MRAS: variants seen among roughly 807,000 people sequenced by gnomAD.
The protein encoded by MRAS is ras-related protein M-Ras.
A neutral mutation model predicts 20.9 loss-of-function variants in MRAS; 4 were observed. That is an observed-to-expected ratio of 0.19 (90% CI 0.09 to 0.44). MRAS has a LOEUF of 0.44. Among genes scored for constraint, MRAS ranks in the 20% least tolerant of loss-of-function variants. MRAS has a pLI of 0.99. For synonymous variants in MRAS, 98 were observed against 102.9 expected (o/e 0.95, Z 0.29); for missense variants, 154 against 277.5 (o/e 0.56, Z 3.16).
chr3:138,361,303 TGTG>T (rs2054442483), intron 1 of MRAS, among the ~76,000 whole-genome samples: 2 of 152,066 alleles, frequency 1.3e-5, no homozygotes, highest in South Asian at 4.2e-4. Context: ...CCTAGAATGT[TGTG>T]GTCAGCGGGG....
intron 2 of MRAS, among the ~76,000 whole-genome samples, chr3:138,381,167 C>T (rs1309974496): frequency 6.6e-6 from 1 of 152,200 alleles, no homozygotes; most frequent in Admixed American, 6.5e-5. Context: ...GGGTGGTTTC[C>T]ACCTTTTTGC....
Position 138,398,563 on chromosome 3 carries a change from C to T in MRAS, c.442C>T (p.His148Tyr), listed in dbSNP as rs762578234. ...REQGKEMATK[H>Y]NIPYIETSAK... Reference sequence around the variant, plus strand: ...GCAAGGAAAAGAAATGGCGACCAAACACAATGTAGGTGTGTGCGTGTGTGT... The same window carrying T: ...GCAAGGAAAAGAAATGGCGACCAAATACAATGTAGGTGTGTGCGTGTGTGT... Residue 148 changes from histidine (H) to tyrosine (Y), a missense_variant, in exon 4 of 6, where the codon CAC becomes TAC. His to Tyr is a moderately conservative substitution (Grantham distance 83). Coordinates refer to ENST00000423968, the MANE Select transcript of MRAS (RefSeq NM_001085049.3). 6 of 1,614,028 alleles carry T rather than the reference C, an allele frequency of 3.7e-6. No individual in the cohort carries two copies. Among genetic ancestry groups the T allele is most frequent in the Non-Finnish European group, 5.1e-6 (6 of 1,179,920 alleles).
At chr3:138,397,559 T>TTCTCTC in intron 3 of MRAS, 82 bp downstream of exon 3, 1 of 1,489,598 alleles carries the variant, frequency 6.7e-7, no homozygotes, top group South Asian at 1.3e-5. Flanking sequence ...CTCTTTCTCT[T>TTCTCTC]TCTCTCTCTC....
intron 2 of MRAS, among the ~76,000 whole-genome samples, chr3:138,383,857 G>T (rs1270321808): frequency 6.6e-6 from 1 of 152,218 alleles, no homozygotes; most frequent in African/African-American, 2.4e-5. Context: ...TAAGTGCTGT[G>T]ATGAAGGTCA....
intron 2 of MRAS, among the ~76,000 whole-genome samples, chr3:138,385,358 A>T (rs2054989870): frequency 6.7e-6 from 1 of 150,326 alleles, no homozygotes; most frequent in Non-Finnish European, 1.5e-5. Context: ...TGTTGCCCAG[A>T]CTGGTCTCAA....
intron 1 of MRAS, among the ~76,000 whole-genome samples, chr3:138,372,284 A>C (rs189932426): frequency 4.3e-4 from 65 of 152,294 alleles, no homozygotes; most frequent in African/African-American, 1.3e-3. Context: ...CTCCCCAAAT[A>C]AAATGATTCC....
At position 138,397,378 on chromosome 3, in the gene MRAS, G is replaced by A; in HGVS notation, c.248G>A (p.Arg83His). 6.2e-7 allele frequency: 1 copy of A among 1,614,114 alleles called. No individual in the cohort carries two copies. The highest frequency in any genetic ancestry group is 1.1e-5 in the South Asian group (1 of 91,080). ...EFSAMREQYMRTGDGFLIVYS... is the reference protein window; with the variant it reads ...EFSAMREQYMHTGDGFLIVYS... ...AGCGCCATGCGGGAGCAATACATGC[G>A]CACGGGGGATGGCTTCCTCATCGTC... Residue 83 changes from arginine (R) to histidine (H), a missense_variant, in exon 3 of 6, where the codon CGC (arginine) becomes CAC (histidine). Physicochemically the swap from Arg to His is conservative, Grantham distance 29 (BLOSUM62 0). Transcript: ENST00000423968.
intron 2 of MRAS, among the ~76,000 whole-genome samples, chr3:138,393,489 T>C (rs2108554505): frequency 6.6e-6 from 1 of 152,342 alleles, no homozygotes; most frequent in Non-Finnish European, 1.5e-5. Flanking sequence ...CTGGGTGATA[T>C]AATTTCTAAG....
At chr3:138,370,412 G>C (rs2054650514) in intron 1 of MRAS, among the ~76,000 whole-genome samples, 1 of 152,172 alleles carries the variant, frequency 6.6e-6, no homozygotes, top group South Asian at 2.1e-4. Context: ...AGTGAGGAGT[G>C]AACCCCACGC....
At chr3:138,366,796 G>A (rs2054568458) in intron 1 of MRAS, among the ~76,000 whole-genome samples, 1 of 152,178 alleles carries the variant, frequency 6.6e-6, no homozygotes, top group Non-Finnish European at 1.5e-5. Flanking sequence ...AGCTCCTTCT[G>A]GGCACCATTT....
chr3:138,361,395 A>G (rs78253676), intron 1 of MRAS, among the ~76,000 whole-genome samples: 20 of 152,296 alleles, frequency 1.3e-4, no homozygotes, highest in Admixed American at 5.2e-4. Flanking sequence ...GGTGGGTGGG[A>G]CAATGCTAGT....
At chr3:138,371,476 C>T (rs1483693495) in intron 1 of MRAS, among the ~76,000 whole-genome samples, 1 of 152,196 alleles carries the variant, frequency 6.6e-6, no homozygotes, top group Non-Finnish European at 1.5e-5. Context: ...CAAGTAGCGG[C>T]GGAGCACACA....
chr3:138,401,610 G>C (rs546335420), intron 5 of MRAS, among the ~76,000 whole-genome samples: 42 of 152,284 alleles, frequency 2.8e-4, no homozygotes, highest in Non-Finnish European at 1.8e-4. Context: ...GGGCAACATA[G>C]TGAAATGCCA....
At chr3:138,383,737 C>G (rs1435493541) in intron 2 of MRAS, among the ~76,000 whole-genome samples, 1 of 152,222 alleles carries the variant, frequency 6.6e-6, no homozygotes, top group African/African-American at 2.4e-5. Context: ...CTCTTTTGGG[C>G]TCTGAGGACA....
At chr3:138,352,724 A>T (rs1182841674) in intron 1 of MRAS, among the ~76,000 whole-genome samples, 1 of 152,070 alleles carries the variant, frequency 6.6e-6, no homozygotes, top group Non-Finnish European at 1.5e-5. Flanking sequence ...TATGGGTTGT[A>T]GTGCTAGTAA....
At chr3:138,356,102 A>G (rs567754074) in intron 1 of MRAS, among the ~76,000 whole-genome samples, 1 of 152,348 alleles carries the variant, frequency 6.6e-6, no homozygotes, top group Non-Finnish European at 1.5e-5. Context: ...TTATACAACC[A>G]GTGCCTATGA....
At chr3:138,353,323 C>CA (rs1260066446) in intron 1 of MRAS, among the ~76,000 whole-genome samples, 2 of 151,960 alleles carry the variant, frequency 1.3e-5, no homozygotes, top group Non-Finnish European at 2.9e-5. Flanking sequence ...CAATAGTAGA[C>CA]AAATATGGCC....
chr3:138,379,674 A>T (rs965902225), intron 2 of MRAS, among the ~76,000 whole-genome samples: 1 of 152,158 alleles, frequency 6.6e-6, no homozygotes, highest in African/African-American at 2.4e-5. Context: ...TTTGTTATGG[A>T]TGAATAATAT....
chr3:138,374,219 A>G (rs1184147631), intron 2 of MRAS, among the ~76,000 whole-genome samples: 1 of 152,034 alleles, frequency 6.6e-6, no homozygotes, highest in Admixed American at 6.6e-5. Context: ...CCTCAGCCTC[A>G]GCCTCTCAAA....
Sources: gnomAD v4.1 joint callset for allele counts (sites outside exome capture counted in the v4.1 genomes callset) on GRCh38, gnomAD v4.1.1 for gene constraint, MANE v1.5 for transcripts, NCBI Gene and HGNC (gene_info 2026-07-23, HGNC 2026-07-21) for gene names.